The following MYO16 variants were observed in gnomAD, a reference collection of about 807,000 sequenced individuals.
MYO16 encodes myosin XVI, also known as unconventional myosin-XVI.
MYO16 carries 94 observed loss-of-function variants against 205.3 expected under a neutral mutation model. That is an observed-to-expected ratio of 0.46 (90% CI 0.39 to 0.54). The LOEUF is 0.54. Ranked by LOEUF, MYO16 falls within the 20% of genes least tolerant of loss-of-function variation. The pLI is 0.00. For missense variants in MYO16, 2,315 were observed against 2,387.5 expected (o/e 0.97, Z 0.63); for synonymous variants, 988 against 954.0 (o/e 1.04, Z -0.66).
chr13:109,059,226 G>A (rs1887508697), intron 27 of MYO16, among the ~76,000 whole-genome samples: 1 of 152,106 alleles, frequency 6.6e-6, no homozygotes, highest in South Asian at 2.1e-4. Context: ...CATTTAGAAT[G>A]GTGAATACTT....
At chr13:108,633,220 T>C (rs1033773015) in intron 1 of MYO16, among the ~76,000 whole-genome samples, 2 of 152,150 alleles carry the variant, frequency 1.3e-5, no homozygotes, top group African/African-American at 4.8e-5. Flanking sequence ...ACTAATAAGA[T>C]AGATGTATAT....
chr13:109,078,335 A>T (rs1301190939), intron 27 of MYO16, among the ~76,000 whole-genome samples: 1 of 151,792 alleles, frequency 6.6e-6, no homozygotes, highest in Admixed American at 6.6e-5. Context: ...GCTATTCAGG[A>T]GGCTGAGGCA....
At chr13:108,668,301 G>A (rs975404948) in intron 2 of MYO16, among the ~76,000 whole-genome samples, 11 of 152,152 alleles carry the variant, frequency 7.2e-5, no homozygotes, top group African/African-American at 2.7e-4. Context: ...AAGAGATGAT[G>A]GTGGCTTGGA....
At chr13:108,902,620 C>T (rs56842874) in intron 15 of MYO16, among the ~76,000 whole-genome samples, 3,911 of 152,256 alleles carry the variant, frequency 0.026, 237 homozygotes, top group East Asian at 0.17. Context: ...CCTCCCCTGC[C>T]CATTCCTAGC....
chr13:108,808,455 G>A (rs1271812701), intron 7 of MYO16, among the ~76,000 whole-genome samples: 1 of 152,004 alleles, frequency 6.6e-6, no homozygotes, highest in East Asian at 1.9e-4. Flanking sequence ...GGGACTACAG[G>A]CGCTCACCAC....
At chr13:108,973,622 A>G (rs1437447136) in intron 20 of MYO16, among the ~76,000 whole-genome samples, 2 of 152,182 alleles carry the variant, frequency 1.3e-5, no homozygotes, top group Non-Finnish European at 2.9e-5. Flanking sequence ...AGTGAATCAC[A>G]GCTTCCTAGG....
chr13:108,723,962 A>G (rs535718277), intron 3 of MYO16, among the ~76,000 whole-genome samples: 108 of 152,156 alleles, frequency 7.1e-4, no homozygotes, highest in Non-Finnish European at 1.2e-3. Context: ...GAACACACTA[A>G]ATTTCCATTT....
intron 28 of MYO16, among the ~76,000 whole-genome samples, chr13:109,113,271 C>T (rs572458866): frequency 5.3e-5 from 8 of 149,890 alleles, no homozygotes; most frequent in East Asian, 4.0e-4. Flanking sequence ...GTGTTCTTAC[C>T]GCAAATTTTA....
chr13:108,806,808 G>A lies in MYO16; in HGVS notation c.867+4G>A, dbSNP rs755045553. The A allele has an allele frequency of 1.1e-5, 16 of 1,516,582 alleles. No homozygotes were observed. The East Asian group carries it at 3.7e-4, about 35-fold the overall frequency. 93.9% of individuals were successfully genotyped at this position (1,516,582 alleles called of 1,614,324 possible). The stretch of plus-strand genomic sequence containing the variant: ...CTTGGCAGCCAAATATGGCCAGGTA[G>A]AGTGATTTGCTGAATTCTTTAAAAA... On this transcript the variant is annotated splice_donor_region_variant and intron_variant, in intron 7 of 34. Coordinates refer to ENST00000457511, the MANE Select transcript of MYO16 (RefSeq NM_001198950.3).
At chr13:108,583,415 T>C in the MYO16 span, among the ~76,000 whole-genome samples, 7 of 152,176 alleles carry the variant, frequency 4.6e-5, no homozygotes, top group Non-Finnish European at 1.0e-4. Context: ...CAGAAAAGCT[T>C]CCCTCATACG....
intron 2 of MYO16, among the ~76,000 whole-genome samples, chr13:108,693,619 G>A (rs889937290): frequency 6.6e-6 from 1 of 152,140 alleles, no homozygotes; most frequent in Admixed American, 6.5e-5. Flanking sequence ...CTTGGTTGAT[G>A]CATTGATCAG....
At chr13:108,840,062 C>T (rs1877157113) in intron 9 of MYO16, among the ~76,000 whole-genome samples, 1 of 152,296 alleles carries the variant, frequency 6.6e-6, no homozygotes, top group African/African-American at 2.4e-5. Flanking sequence ...ACATAACTCA[C>T]CCAAACTGGT....
At chr13:109,153,171 T>C (rs965700642) in intron 32 of MYO16, among the ~76,000 whole-genome samples, 5 of 152,176 alleles carry the variant, frequency 3.3e-5, no homozygotes, top group Non-Finnish European at 5.9e-5. Context: ...ACCCACTAAA[T>C]TGATTTCTCA....
At chr13:109,201,491 C>CAAAAAAAAAAAAA (rs3042152) in intron 34 of MYO16, 38 of 97,364 alleles carry the variant, frequency 3.9e-4, no homozygotes, top group African/African-American at 1.3e-3. Context: ...TCGTCTTCTA[C>CAAAAAAAAAAAAA]AAAAAAAAAA....
chr13:108,785,505 G>A (rs539593860), intron 4 of MYO16, 130 bp from the exon 5 acceptor site: 25 of 480,624 alleles, frequency 5.2e-5, no homozygotes, highest in Non-Finnish European at 8.7e-5. Context: ...CTTCCTACCC[G>A]ATTCTTCAGG....
At chr13:108,819,449 A>T (rs1875840397) in intron 7 of MYO16, among the ~76,000 whole-genome samples, 2 of 152,170 alleles carry the variant, frequency 1.3e-5, no homozygotes, top group African/African-American at 4.8e-5. Flanking sequence ...GTGTGTGCTA[A>T]GCATATAGAG....
At chr13:108,521,679 T>A in the MYO16 span, among the ~76,000 whole-genome samples, 1 of 152,302 alleles carries the variant, frequency 6.6e-6, no homozygotes, top group East Asian at 1.9e-4. Flanking sequence ...AACCTGACAT[T>A]TGGGACCTTA....
chr13:108,532,061 C>A, the MYO16 span, among the ~76,000 whole-genome samples: 1 of 152,034 alleles, frequency 6.6e-6, no homozygotes, highest in Non-Finnish European at 1.5e-5. Flanking sequence ...CAAAAATTAG[C>A]CAGGCGTAGT....
chr13:109,172,792 G>A (rs1034163667), intron 33 of MYO16, among the ~76,000 whole-genome samples: 1 of 151,192 alleles, frequency 6.6e-6, no homozygotes, highest in East Asian at 2.0e-4. Flanking sequence ...GAAGAGTCAT[G>A]AGGGTTTATC....
Sources: allele counts gnomAD v4.1 joint callset (sites outside exome capture counted in the v4.1 genomes callset), GRCh38; gene constraint gnomAD v4.1.1; transcripts MANE v1.5; gene names NCBI Gene and HGNC (gene_info 2026-07-23, HGNC 2026-07-21).